Variants in CRADD observed in about 807,000 individuals in gnomAD.
CRADD encodes the protein CARD and death domain containing adaptor protein, also known as death domain-containing protein CRADD.
CRADD carries 9 observed loss-of-function variants against 15.5 expected under a neutral mutation model. The observed-to-expected ratio is 0.58, with a 90% confidence interval of 0.35 to 1.01. The LOEUF is 1.01. Ranked by LOEUF, CRADD falls within the 50% of genes least tolerant of loss-of-function variation. The pLI is 0.02. For synonymous variants in CRADD, 118 were observed against 107.6 expected, an observed-to-expected ratio of 1.10 and a Z score of -0.60; for missense variants, 227 against 250.3, an observed-to-expected ratio of 0.91 and a Z score of 0.63.
chr12:93,857,527 A>G (rs1958285213), intron 2 of CRADD, among the ~76,000 whole-genome samples: 1 of 152,178 alleles, frequency 6.6e-6, no homozygotes, highest in African/African-American at 2.4e-5. Context: ...TCTGTCTAGG[A>G]ATATTTCTTT....
chr12:93,751,498 A>G (rs1956828096), intron 2 of CRADD, among the ~76,000 whole-genome samples: 1 of 152,248 alleles, frequency 6.6e-6, no homozygotes, highest in African/African-American at 2.4e-5. Context: ...CCTGTTGGTA[A>G]AAACTTCCCA....
At chr12:93,733,346 A>C (rs1166667994) in intron 2 of CRADD, among the ~76,000 whole-genome samples, 1 of 152,214 alleles carries the variant, frequency 6.6e-6, no homozygotes, top group Non-Finnish European at 1.5e-5. Flanking sequence ...AAGAATCTGT[A>C]GGTAGGGATT....
At chr12:93,852,912 TTTTA>T (rs1411341713), downstream of CRADD, among the ~76,000 whole-genome samples, 1 of 151,982 alleles carries the variant, frequency 6.6e-6, no homozygotes, top group African/African-American at 2.4e-5. Context: ...AAACTATAAC[TTTTA>T]TTAATTTTTT....
intron 2 of CRADD, among the ~76,000 whole-genome samples, chr12:93,838,887 C>T (rs547039300): frequency 3.3e-5 from 5 of 151,952 alleles, no homozygotes; most frequent in South Asian, 2.1e-4. Context: ...GCCTCCCCAC[C>T]GAGCACCTGG....
chr12:93,859,818 G>A (rs933103740), intron 2 of CRADD, among the ~76,000 whole-genome samples: 9 of 151,626 alleles, frequency 5.9e-5, no homozygotes, highest in Middle Eastern at 3.2e-3. Flanking sequence ...TCAGCCTCTC[G>A]GGCTCTAGTG....
chr12:93,737,746 G>C (rs1341006252), intron 2 of CRADD: 1 of 152,404 alleles, frequency 6.6e-6, no homozygotes, highest in Non-Finnish European at 1.5e-5. Flanking sequence ...CTCGGATGTT[G>C]TACACCTTTA....
At chr12:93,749,372 A>G (rs550512365) in intron 2 of CRADD, among the ~76,000 whole-genome samples, 1 of 152,298 alleles carries the variant, frequency 6.6e-6, no homozygotes, top group South Asian at 2.1e-4. Context: ...GACCTTGCTG[A>G]GCCTTATAAG....
chr12:93,868,219 A>G (rs1958387039), intron 2 of CRADD, among the ~76,000 whole-genome samples: 1 of 152,232 alleles, frequency 6.6e-6, no homozygotes. Context: ...CATTGCTTGT[A>G]ATAACGAAAA....
chr12:93,775,395 G>C (rs1469347216), intron 2 of CRADD, among the ~76,000 whole-genome samples: 1 of 152,182 alleles, frequency 6.6e-6, no homozygotes, highest in Admixed American at 6.5e-5. Context: ...GTGCAAACAC[G>C]TATATAGGTT....
intron 2 of CRADD, among the ~76,000 whole-genome samples, chr12:93,810,240 C>T (rs937233310): frequency 6.6e-6 from 1 of 151,952 alleles, no homozygotes; most frequent in Non-Finnish European, 1.5e-5. Flanking sequence ...GAGAAAGAAC[C>T]GATGTGCCTT....
intron 2 of CRADD, among the ~76,000 whole-genome samples, chr12:93,843,898 T>G (rs924394389): frequency 1.3e-5 from 2 of 151,862 alleles, no homozygotes; most frequent in South Asian, 4.2e-4. Flanking sequence ...TTTTTTTGTA[T>G]GTTAGTAGAG....
chr12:93,805,789 A>G (rs978150249), intron 2 of CRADD, among the ~76,000 whole-genome samples: 4 of 152,124 alleles, frequency 2.6e-5, no homozygotes, highest in African/African-American at 9.6e-5. Flanking sequence ...CTTGTCGGCC[A>G]TGGAACAATG....
At chr12:93,857,606 G>T (rs1958285858) in intron 2 of CRADD, among the ~76,000 whole-genome samples, 1 of 152,172 alleles carries the variant, frequency 6.6e-6, no homozygotes, top group African/African-American at 2.4e-5. Flanking sequence ...ACCTGAGGCT[G>T]GGTAATTTAT....
intron 2 of CRADD, among the ~76,000 whole-genome samples, chr12:93,722,225 T>C (rs1401520760): frequency 6.6e-6 from 1 of 152,208 alleles, no homozygotes; most frequent in Non-Finnish European, 1.5e-5. Flanking sequence ...TATCTTTGTT[T>C]CTCTATAGCC....
At position 93,815,844 on chromosome 12, in the gene CRADD, T is replaced by G. The variant is rs369811504; in HGVS notation, c.299-34126T>G. 3.7e-4 allele frequency: 56 copies of G among 152,344 alleles called. 1 individual carries two copies. Among genetic ancestry groups the G allele is most frequent in the African/African-American group, 1.3e-3 (56 of 41,580 alleles). 9.4% of individuals were successfully genotyped at this position (152,344 alleles called of 1,614,324 possible). A position where few individuals can be genotyped will look rare whatever the true frequency, so the allele number is the denominator to read the frequency against. The stretch of plus-strand genomic sequence containing the variant: ...CCAAGCAAAAGAATATGATTTTAGT[T>G]TATTCTCTCCTTTCTTTTCCAGGAT... On this transcript the variant is annotated intron_variant, in intron 2 of 2. Transcript: ENST00000332896.
intron 2 of CRADD, among the ~76,000 whole-genome samples, chr12:93,888,999 G>A (rs1435361496): frequency 6.6e-6 from 1 of 152,118 alleles, no homozygotes; most frequent in African/African-American, 2.4e-5. Flanking sequence ...ACAGCCAAGG[G>A]GAGCTGTTCC....
chr12:93,784,397 A>T (rs1957250174), intron 2 of CRADD, among the ~76,000 whole-genome samples: 1 of 152,044 alleles, frequency 6.6e-6, no homozygotes, highest in Non-Finnish European at 1.5e-5. Context: ...CAGCACAGAG[A>T]GGTTAAGTGA....
chr12:93,880,698 T>C (rs1170242651), intron 2 of CRADD, among the ~76,000 whole-genome samples: 1 of 152,228 alleles, frequency 6.6e-6, no homozygotes, highest in Non-Finnish European at 1.5e-5. Flanking sequence ...CAAATTTTGC[T>C]TCACTCCCTG....
chr12:93,754,572 C>CAT (rs1378028378), intron 2 of CRADD, among the ~76,000 whole-genome samples: 1 of 152,198 alleles, frequency 6.6e-6, no homozygotes, highest in African/African-American at 2.4e-5. Flanking sequence ...TTCCATAGAT[C>CAT]TTTAGGGCAG....
Sources: gnomAD v4.1 joint callset for allele counts (sites outside exome capture counted in the v4.1 genomes callset) on GRCh38, gnomAD v4.1.1 for gene constraint, MANE v1.5 for transcripts, NCBI Gene and HGNC (gene_info 2026-07-23, HGNC 2026-07-21) for gene names.